TENM4: variants seen among roughly 807,000 people sequenced by gnomAD.
TENM4 encodes teneurin-4.
TENM4 carries 82 observed loss-of-function variants against 243.3 expected under a neutral mutation model. The ratio of observed to expected loss-of-function variants is 0.34; its 90% CI spans 0.28 to 0.40. The LOEUF is 0.40. Among genes scored for constraint, TENM4 ranks in the 10% least tolerant of loss-of-function variants. The pLI, the probability that TENM4 is intolerant of heterozygous loss-of-function variation, is 1.00. For synonymous variants in TENM4, 1,412 were observed against 1,456.3 expected, an observed-to-expected ratio of 0.97 and a Z score of 0.69; for missense variants, 3,138 against 3,673.3, an observed-to-expected ratio of 0.85 and a Z score of 3.77.
At chr11:79,152,633 A>G (rs780628981) in intron 3 of TENM4, among the ~76,000 whole-genome samples, 22 of 152,248 alleles carry the variant, frequency 1.4e-4, no homozygotes, top group Non-Finnish European at 2.5e-4. Context: ...GGAACGGGAA[A>G]ACAAGGGGCT....
chr11:79,100,716 G>A (rs1861207914), intron 4 of TENM4, among the ~76,000 whole-genome samples: 1 of 152,182 alleles, frequency 6.6e-6, no homozygotes, highest in Non-Finnish European at 1.5e-5. Context: ...AGTCCATATG[G>A]TGAAGGGACT....
intron 4 of TENM4, among the ~76,000 whole-genome samples, chr11:79,126,774 C>G (rs1389114380): frequency 6.6e-6 from 1 of 152,198 alleles, no homozygotes; most frequent in Non-Finnish European, 1.5e-5. Context: ...GAGGCCAGCT[C>G]TGCTTGAGGA....
At chr11:78,773,941 C>G (rs1856692409) in intron 17 of TENM4, among the ~76,000 whole-genome samples, 1 of 152,174 alleles carries the variant, frequency 6.6e-6, no homozygotes, top group Non-Finnish European at 1.5e-5. Flanking sequence ...CAATTTTACA[C>G]CATTTAATCC....
chr11:78,793,312 G>A lies in TENM4; in HGVS notation c.2180-6229C>T, dbSNP rs577063211. ...TCTGCACGCCTTCCTGCTGAGCAAG[G>A]AACAGGTGCAAATGAAGCTGTTTCT... On this transcript the variant is annotated intron_variant, in intron 15 of 33. Transcript: ENST00000278550. Among the ~76,000 whole-genome samples, 6 of 152,300 alleles carry A rather than the reference G, an allele frequency of 3.9e-5. No individual in the cohort carries two copies. In the South Asian group the frequency reaches 6.2e-4, roughly 16 times the overall value.
intron 12 of TENM4, among the ~76,000 whole-genome samples, chr11:78,852,803 G>A (rs930426494): frequency 2.6e-5 from 4 of 152,176 alleles, no homozygotes; most frequent in Non-Finnish European, 5.9e-5. Flanking sequence ...AGGCTGGAGT[G>A]CAGTAGTATG....
intron 2 of TENM4, among the ~76,000 whole-genome samples, chr11:79,293,108 A>AT (rs1478703873): frequency 1.3e-5 from 2 of 151,474 alleles, no homozygotes; most frequent in Admixed American, 6.6e-5. Context: ...GGTGACAACC[A>AT]TTTTTTGCTA....
rs2136101623 is a variant in TENM4, at chr11:78,812,186, A to G, written c.1914T>C (p.His638=). 2 of 1,551,848 alleles carry G rather than the reference A, an allele frequency of 1.3e-6. No homozygotes were observed. The highest frequency in any genetic ancestry group is 2.4e-5 in the East Asian group (1 of 40,916). ...TGCAGGTGCCCGTGATGCAGGTGCCATGGTTGCTGCAGGCCACATCGATAC... is the reference window on the plus strand; with the variant it reads ...TGCAGGTGCCCGTGATGCAGGTGCCGTGGTTGCTGCAGGCCACATCGATAC... The part of the protein sequence containing the change: ...NQCIDVACSN[H]GTCITGTCIC... Residue 638 remains histidine (H), a synonymous_variant, in exon 14 of 34, where the codon CAT becomes CAC. Transcript: ENST00000278550.
chr11:79,288,552 T>C (rs1856298134), intron 2 of TENM4, among the ~76,000 whole-genome samples: 1 of 152,188 alleles, frequency 6.6e-6, no homozygotes, highest in Non-Finnish European at 1.5e-5. Flanking sequence ...TCCCAACAAA[T>C]ATTTCAAAGG....
At chr11:78,945,279 T>C (rs1490556082) in intron 6 of TENM4, among the ~76,000 whole-genome samples, 1 of 152,262 alleles carries the variant, frequency 6.6e-6, no homozygotes, top group Non-Finnish European at 1.5e-5. Flanking sequence ...TGGTAATTGT[T>C]GTAACATTTC....
chr11:79,073,410 T>C (rs533162302), intron 4 of TENM4, among the ~76,000 whole-genome samples: 1 of 152,260 alleles, frequency 6.6e-6, no homozygotes, highest in South Asian at 2.1e-4. Context: ...GCCTCTCCCC[T>C]TGACTACGGT....
At chr11:79,230,454 C>T (rs1864353413) in intron 2 of TENM4, among the ~76,000 whole-genome samples, 1 of 152,192 alleles carries the variant, frequency 6.6e-6, no homozygotes, top group Non-Finnish European at 1.5e-5. Flanking sequence ...TCCCCAATAA[C>T]TAATTTGATA....
At chr11:79,433,009 C>T (rs1440514918) in intron 1 of TENM4, among the ~76,000 whole-genome samples, 1 of 152,308 alleles carries the variant, frequency 6.6e-6, no homozygotes, top group East Asian at 1.9e-4. Context: ...GATGAGAGGA[C>T]TGATGCTGCC....
chr11:78,725,542 C>T (rs1014561400), intron 23 of TENM4, among the ~76,000 whole-genome samples: 2 of 152,224 alleles, frequency 1.3e-5, no homozygotes, highest in African/African-American at 4.8e-5. Context: ...CAAGTTTTGT[C>T]TTTTGCTGTT....
In TENM4 at chr11:79,064,606, T is replaced by C. The variant is rs1743653552; in HGVS notation, c.493+132A>G. On this transcript the variant is annotated intron_variant, in intron 6 of 33. Transcript: ENST00000278550. ...TGACTCTCCAAGAGACTCTGACATT[T>C]GACCCCTGAGAGTAAAGCAATTTTT... 5.8e-6 allele frequency: 7 copies of C among 1,204,862 alleles called. No individual in the cohort carries two copies. In the South Asian group the frequency reaches 6.1e-5, roughly 10 times the overall value. 74.6% of individuals were successfully genotyped at this position (1,204,862 alleles called of 1,614,324 possible).
chr11:79,212,387 G>C (rs1030392754), intron 3 of TENM4, among the ~76,000 whole-genome samples: 1 of 152,164 alleles, frequency 6.6e-6, no homozygotes, highest in Non-Finnish European at 1.5e-5. Context: ...AGGAACCCCT[G>C]TTTCTGAGTG....
intron 6 of TENM4, among the ~76,000 whole-genome samples, chr11:79,048,700 G>C (rs2136928614): frequency 6.6e-6 from 1 of 152,284 alleles, no homozygotes; most frequent in Non-Finnish European, 1.5e-5. Context: ...ATTCGGGGTA[G>C]CAACACCTCT....
intron 3 of TENM4, among the ~76,000 whole-genome samples, chr11:79,183,989 C>G (rs1863336890): frequency 6.6e-6 from 1 of 152,128 alleles, no homozygotes; most frequent in Non-Finnish European, 1.5e-5. Context: ...TATGATCCAA[C>G]TATTCTATTT....
At chr11:79,225,973 C>T (rs1415576668) in intron 2 of TENM4, among the ~76,000 whole-genome samples, 1 of 152,158 alleles carries the variant, frequency 6.6e-6, no homozygotes, top group Non-Finnish European at 1.5e-5. Flanking sequence ...CAAACAGGCC[C>T]ACTGCTTCTA....
chr11:79,173,038 C>T (rs1016582895), intron 3 of TENM4, among the ~76,000 whole-genome samples: 5 of 152,180 alleles, frequency 3.3e-5, no homozygotes, highest in African/African-American at 9.7e-5. Context: ...CATATCTTTT[C>T]CTTGCTCAGA....
Sources: allele counts gnomAD v4.1 joint callset (sites outside exome capture counted in the v4.1 genomes callset), GRCh38; gene constraint gnomAD v4.1.1; transcripts MANE v1.5; gene names NCBI Gene and HGNC (gene_info 2026-07-23, HGNC 2026-07-21).